CAND2: variants seen among roughly 807,000 people sequenced by gnomAD.
CAND2 encodes cullin associated and neddylation dissociated 2 (putative), also known as cullin-associated NEDD8-dissociated protein 2.
In CAND2, 62 loss-of-function variants were observed where a neutral mutation model predicts 98.9. The observed-to-expected ratio is 0.63, with a 90% CI of 0.51 to 0.77. The LOEUF (loss-of-function observed/expected upper bound fraction) is 0.77, where lower values mean the gene tolerates loss of function less well. CAND2 is among the 30% of genes least tolerant of loss of function. CAND2 has a pLI of 0.00. For synonymous variants in CAND2, 770 were observed against 731.9 expected, an observed-to-expected ratio of 1.05 and a Z score of -0.84; for missense variants, 1,501 against 1,655.2, an observed-to-expected ratio of 0.91 and a Z score of 1.62.
At chr3:12,808,857 G>C (rs374948790) in intron 4 of CAND2, among the ~76,000 whole-genome samples, 20 of 152,068 alleles carry the variant, frequency 1.3e-4, no homozygotes, top group African/African-American at 4.3e-4. Flanking sequence ...GCAGAGACAG[G>C]GGAAGACTTG....
Position 12,813,239 on chromosome 3 carries a change from C to T in CAND2, c.864-7C>T. On this transcript the variant is annotated splice_polypyrimidine_tract_variant and splice_region_variant and intron_variant, in intron 6 of 14. Transcript: ENST00000456430. ...TCCAGCAAAGCATTCCTCATCCTGC[C>T]CCACAGGTGCCCCAAGGAAATGGGT... 1 of 1,612,590 alleles carries T rather than the reference C, an allele frequency of 6.2e-7. No homozygotes were observed. The highest frequency in any genetic ancestry group is 8.5e-7 in the Non-Finnish European group (1 of 1,179,566).
At position 12,817,834 on chromosome 3, in the gene CAND2, C is replaced by A; in HGVS notation, c.2902C>A (p.Pro968Thr). The A allele has an allele frequency of 6.6e-7, 1 of 1,514,150 alleles. No individual in the cohort carries two copies. Among genetic ancestry groups the A allele is most frequent in the South Asian group, 1.3e-5 (1 of 74,742 alleles). 93.8% of individuals were successfully genotyped at this position (1,514,150 alleles called of 1,614,324 possible). The change falls in exon 10 of 15, where the codon CCT (proline) becomes ACT (threonine). Residue 968 changes from proline (P) to threonine (T), a missense_variant. This residue lies in a region of CAND2 where 1,427 missense variants were observed against 1,545.3 expected (regional missense o/e 0.92). Transcript: ENST00000456430. ...ECIGKLVLVN[P>T]SFLLPRLRKQ... ...CATTGGGAAGCTGGTCCTTGTGAAC[C>A]CTTCGTTCCTTCTGCCCCGCTTGCG...
At chr3:12,814,272 C>T (rs1038769416) in intron 7 of CAND2, among the ~76,000 whole-genome samples, 1 of 152,186 alleles carries the variant, frequency 6.6e-6, no homozygotes, top group Non-Finnish European at 1.5e-5. Context: ...TGAGCCTGTG[C>T]CTTGGGGTGC....
intron 9 of CAND2, 144 bp from the exon 10 acceptor site, chr3:12,816,230 G>C (rs2061897876): frequency 1.1e-6 from 1 of 897,102 alleles, no homozygotes; most frequent in Non-Finnish European, 1.7e-6. Context: ...CCACTGGTCA[G>C]GGCTGACTTC....
At chr3:12,831,411 G>A (rs759683418) in intron 13 of CAND2, 54 bp from the exon 14 acceptor site, 3 of 1,443,036 alleles carry the variant, frequency 2.1e-6, no homozygotes, top group Non-Finnish European at 2.9e-6. Context: ...AGGGCTGGCT[G>A]CTGCTCTTGC....
chr3:12,805,525 TG>T (rs935365290), intron 2 of CAND2, among the ~76,000 whole-genome samples: 4 of 152,060 alleles, frequency 2.6e-5, no homozygotes, highest in African/African-American at 7.2e-5. Context: ...TGACCTCAAG[TG>T]ATCTGCCTGC....
chr3:12,825,527 C>G lies in CAND2; in HGVS notation c.3098C>G (p.Ala1033Gly). ...CTGAACGTGCGCCGTGCGACTCTGG[C>G]TTTCTTCAACTCAGCTGTGCACAAC... ...PDLNVRRATL[A>G]FFNSAVHNKP... Residue 1033 changes from alanine (A) to glycine (G), a missense_variant, in exon 12 of 15, where the codon GCT (alanine) becomes GGT (glycine). This residue lies in a region of CAND2 where 1,427 missense variants were observed against 1,545.3 expected (regional missense o/e 0.92). Transcript: ENST00000456430. 6.2e-7 allele frequency: 1 copy of G among 1,601,972 alleles called. No homozygotes were observed. The highest frequency in any genetic ancestry group is 1.1e-5 in the South Asian group (1 of 88,466).
intron 2 of CAND2, among the ~76,000 whole-genome samples, chr3:12,805,220 G>A (rs2061797558): frequency 6.6e-6 from 1 of 152,150 alleles, no homozygotes. Flanking sequence ...ACAGACAGGG[G>A]GTGTTGGGGA....
chr3:12,831,813 T>A (rs1196168099), intron 14 of CAND2, among the ~76,000 whole-genome samples: 1 of 152,240 alleles, frequency 6.6e-6, no homozygotes, highest in Non-Finnish European at 1.5e-5. Context: ...CAGAGCTGGA[T>A]TCAGACCCAC....
intron 11 of CAND2, among the ~76,000 whole-genome samples, chr3:12,821,014 A>G (rs576645245): frequency 1.3e-5 from 2 of 152,268 alleles, no homozygotes; most frequent in East Asian, 3.9e-4. Flanking sequence ...CAGGTGGATC[A>G]CCTGAGGTCA....
chr3:12,825,667 G>A (rs752219887), intron 12 of CAND2, 28 bp downstream of exon 12: 2 of 1,575,388 alleles, frequency 1.3e-6, no homozygotes, highest in Admixed American at 1.9e-5. Flanking sequence ...GGACCCAGGG[G>A]AAGCTGGGGG....
At position 12,831,457 on chromosome 3, in the gene CAND2, C is replaced by G; in HGVS notation, c.3376-8C>G. On this transcript the variant is annotated splice_region_variant and splice_polypyrimidine_tract_variant and intron_variant, in intron 13 of 14. Transcript: ENST00000456430. ...TTTCACTAAGAACCATCTCCTTCCT[C>G]TGGGCAGATGCTGACCTTCATCATG... The G allele has an allele frequency of 1.2e-6, 2 of 1,611,450 alleles. No individual in the cohort carries two copies. Among genetic ancestry groups the G allele is most frequent in the Non-Finnish European group, 8.5e-7 (1 of 1,177,806 alleles).
Position 12,825,379 on chromosome 3 carries a change from C to A in CAND2, c.3041-91C>A, listed in dbSNP as rs748373520. ...TTACCCCCATTCAGCCAGTTCTGCA[C>A]GTGCACAGTAACCAGATGGCCGGGG... On this transcript the variant is annotated intron_variant, in intron 11 of 14. Transcript: ENST00000456430. 1.2e-5 allele frequency: 16 copies of A among 1,299,772 alleles called. No homozygotes were observed. The South Asian group carries it at 1.9e-4, about 15-fold the overall frequency. The allele number at this position is 1,299,772 out of a possible 1,614,324, so 80.5% of individuals were successfully genotyped here. A position where few individuals can be genotyped will look rare whatever the true frequency, so the allele number is the denominator to read the frequency against.
At chr3:12,818,172 C>T (rs913952004) in intron 10 of CAND2, among the ~76,000 whole-genome samples, 1 of 151,570 alleles carries the variant, frequency 6.6e-6, no homozygotes, top group Non-Finnish European at 1.5e-5. Context: ...GTCTGTAATC[C>T]CAGCACTTTG....
At chr3:12,832,989 TACG>T (rs1215161926) in intron 14 of CAND2, among the ~76,000 whole-genome samples, 6 of 152,216 alleles carry the variant, frequency 3.9e-5, no homozygotes, top group African/African-American at 7.2e-5. Flanking sequence ...TGGCAACTCT[TACG>T]ACGAGGCAGC....
intron 12 of CAND2, among the ~76,000 whole-genome samples, chr3:12,826,949 G>A (rs2062007296): frequency 6.6e-6 from 1 of 151,178 alleles, no homozygotes; most frequent in Non-Finnish European, 1.5e-5. Flanking sequence ...TCCTGCCTCA[G>A]CCACCCAAGT....
Position 12,816,963 on chromosome 3 carries a change from C to G in CAND2, c.2031C>G (p.Asp677Glu), listed in dbSNP as rs377443431. The change falls in exon 10 of 15, where the codon GAC (aspartate) becomes GAG (glutamate). Residue 677 changes from aspartate (D) to glutamate (E), a missense_variant. Transcript: ENST00000456430. ...ALRLATLAALDALAQSQGLSL... is the reference protein window; with the variant it reads ...ALRLATLAALEALAQSQGLSL... ...GACTGGCCACACTGGCAGCCCTGGACGCCCTGGCCCAGAGCCAGGGCCTCA... is the reference window on the plus strand; with the variant it reads ...GACTGGCCACACTGGCAGCCCTGGAGGCCCTGGCCCAGAGCCAGGGCCTCA... 1 of 1,613,060 alleles carries G rather than the reference C, an allele frequency of 6.2e-7. No individual in the cohort carries two copies. Among genetic ancestry groups the G allele is most frequent in the African/African-American group, 1.3e-5 (1 of 74,908 alleles).
chr3:12,820,642 T>C (rs1322343324), intron 11 of CAND2, among the ~76,000 whole-genome samples: 2 of 152,172 alleles, frequency 1.3e-5, no homozygotes, highest in East Asian at 3.9e-4. Flanking sequence ...GCCCTCTGTC[T>C]GAGGGGCCTT....
intron 2 of CAND2, among the ~76,000 whole-genome samples, chr3:12,804,374 A>G (rs180684319): frequency 5.7e-4 from 87 of 152,178 alleles, no homozygotes; most frequent in Admixed American, 9.8e-4. Context: ...GAGGCAGGAG[A>G]ATCGCTTGAA....
Sources: allele counts gnomAD v4.1 joint callset (sites outside exome capture counted in the v4.1 genomes callset), GRCh38; gene constraint gnomAD v4.1.1; regional missense constraint gnomAD v4.1.1; transcripts MANE v1.5; gene names NCBI Gene and HGNC (gene_info 2026-07-23, HGNC 2026-07-21).